MED13: variants seen among roughly 807,000 people sequenced by gnomAD.
MED13 encodes mediator of RNA polymerase II transcription subunit 13.
Under a neutral mutation model 225.2 loss-of-function variants are expected in MED13, and 23 were observed. That is an observed-to-expected ratio of 0.10 (90% CI 0.07 to 0.14). The LOEUF is 0.14. Among genes scored for constraint, MED13 ranks in the 10% least tolerant of loss-of-function variants. MED13 has a pLI of 1.00. For missense variants in MED13, 2,197 were observed against 2,594.5 expected, an observed-to-expected ratio of 0.85 and a Z score of 3.33; for synonymous variants, 942 against 889.2, an observed-to-expected ratio of 1.06 and a Z score of -1.06.
chr17:61,978,249 T>C (rs1009058627), intron 16 of MED13, among the ~76,000 whole-genome samples: 5 of 151,784 alleles, frequency 3.3e-5, no homozygotes, highest in African/African-American at 1.2e-4. Flanking sequence ...AACTGCTTTT[T>C]ATTTTTTTTA....
Position 61,984,320 on chromosome 17 carries a change from T to A in MED13, c.2739A>T (p.Gly913=), listed in dbSNP as rs1204093544. 3.1e-6 allele frequency: 5 copies of A among 1,601,660 alleles called. No homozygotes were observed. Among genetic ancestry groups the A allele is most frequent in the Non-Finnish European group, 3.4e-6 (4 of 1,176,098 alleles). ...TTTTTAGAGGTGCAAACATGGAACATCCCACTAGAATTTGACAATTTTCAG... is the reference window on the plus strand; with the variant it reads ...TTTTTAGAGGTGCAAACATGGAACAACCCACTAGAATTTGACAATTTTCAG... ...YKPENCQILV[G]CSMFAPLKTL... Residue 913 remains glycine (G), a synonymous_variant, in exon 15 of 30, where the codon GGA becomes GGT. Transcript: ENST00000397786.
At chr17:62,001,369 CTA>C (rs1347326651) in intron 9 of MED13, among the ~76,000 whole-genome samples, 1 of 152,062 alleles carries the variant, frequency 6.6e-6, no homozygotes, top group Non-Finnish European at 1.5e-5. Context: ...ACATCACTTT[CTA>C]TATGAGTTGT....
At chr17:62,002,826 ATCTT>A (rs1445578327) in intron 9 of MED13, among the ~76,000 whole-genome samples, 1 of 152,268 alleles carries the variant, frequency 6.6e-6, no homozygotes, top group Non-Finnish European at 1.5e-5. Flanking sequence ...AAACACGCTG[ATCTT>A]TCTAATAACT....
Position 62,011,042 on chromosome 17 carries a change from G to A in MED13, c.1475C>T (p.Ser492Leu). The A allele has an allele frequency of 6.2e-7, 1 of 1,614,202 alleles. No homozygotes were observed. ...AGAGATCACAAGTCTTTGGCTGGCT[G>A]AATCTGCGTCCATGCCAACATCATC... ...VSDDVGMDAD[S>L]ASQRLVISAP... The change falls in exon 9 of 30, where the codon TCA becomes TTA. Residue 492 changes from serine to leucine, a missense_variant. Physicochemically the swap from Ser to Leu is moderately radical, Grantham distance 145. Around this residue, in one of 12 missense-constraint regions of MED13, gnomAD observed 884 missense variants for 918.5 expected, o/e 0.96. Transcript: ENST00000397786.
At chr17:61,968,417 C>T (rs1373451931) in intron 17 of MED13, among the ~76,000 whole-genome samples, 159 bp from the exon 18 acceptor site, 1 of 152,196 alleles carries the variant, frequency 6.6e-6, no homozygotes, top group Non-Finnish European at 1.5e-5. Context: ...GCTCCGCCTC[C>T]CGCGTTCACG....
intron 8 of MED13, among the ~76,000 whole-genome samples, chr17:62,012,725 T>C (rs1285560935): frequency 6.6e-6 from 1 of 152,178 alleles, no homozygotes; most frequent in Non-Finnish European, 1.5e-5. Context: ...GAATCAGAGC[T>C]ATCCAGAAAG....
At position 61,960,933 on chromosome 17, in the gene MED13, G is replaced by C; in HGVS notation, c.5414C>G (p.Ala1805Gly). Residue 1805 changes from alanine (A) to glycine (G), a missense_variant, in exon 23 of 30, where the codon GCA becomes GGA. Physicochemically the swap from Ala to Gly is moderately conservative, Grantham distance 60 (BLOSUM62 0). Around this residue, in one of 12 missense-constraint regions of MED13, gnomAD observed 78 missense variants for 82.1 expected, o/e 0.95. Transcript: ENST00000397786. The stretch of plus-strand genomic sequence containing the variant: ...TTCTCCATATAGATCTGTGCAAGAT[G>C]CAAGAATCCACCTTTGATCATGTGA... ...CLSHDQRWIL[A>G]SCTDLYGELL... is the part of the protein sequence containing the mutation. 6.2e-7 allele frequency: 1 copy of C among 1,613,752 alleles called. No homozygotes were observed. Among genetic ancestry groups the C allele is most frequent in the Non-Finnish European group, 8.5e-7 (1 of 1,179,890 alleles).
intron 8 of MED13, among the ~76,000 whole-genome samples, chr17:62,012,875 C>T (rs530539205): frequency 1.3e-5 from 2 of 151,970 alleles, no homozygotes; most frequent in East Asian, 3.9e-4. Context: ...TCACGGCAAC[C>T]TCCGCCTCCC....
intron 8 of MED13, among the ~76,000 whole-genome samples, chr17:62,017,758 A>G (rs922837790): frequency 6.6e-6 from 1 of 152,230 alleles, no homozygotes; most frequent in Non-Finnish European, 1.5e-5. Flanking sequence ...TCCTTCATGA[A>G]GACAGCAAAA....
At chr17:61,993,196 CTTTCTTTT>C (rs1488740621) in intron 10 of MED13, among the ~76,000 whole-genome samples, 4 of 127,422 alleles carry the variant, frequency 3.1e-5, no homozygotes, top group Admixed American at 2.3e-4. Context: ...TTCTTTCTTT[CTTTCTTTT>C]TTTTTTTTTT....
At chr17:62,036,237 A>G (rs923033599) in intron 3 of MED13, among the ~76,000 whole-genome samples, 1 of 152,030 alleles carries the variant, frequency 6.6e-6, no homozygotes, top group Non-Finnish European at 1.5e-5. Flanking sequence ...TTTATTAATT[A>G]ATTGGACTAA....
chr17:61,972,422 A>T (rs1461398229), intron 17 of MED13, among the ~76,000 whole-genome samples: 2 of 151,492 alleles, frequency 1.3e-5, no homozygotes, highest in East Asian at 1.9e-4. Flanking sequence ...TAACAAAAGT[A>T]TTTTTTTTGC....
intron 5 of MED13, 107 bp downstream of exon 5, chr17:62,033,680 G>A (rs1436347751): frequency 2.3e-5 from 23 of 1,008,644 alleles, no homozygotes; most frequent in Non-Finnish European, 3.2e-5. Flanking sequence ...ATAAATCTTT[G>A]GTGTTGAAAG....
Position 61,992,578 on chromosome 17 carries a change from T to C in MED13, c.2225A>G (p.Glu742Gly). 1 of 1,612,410 alleles carries C rather than the reference T, an allele frequency of 6.2e-7. No individual in the cohort carries two copies. The highest frequency in any genetic ancestry group is 8.5e-7 in the Non-Finnish European group (1 of 1,178,630). ...TSSVTVLSHE[E>G]DAMSLFSPSI... ...GGGACTAAATAATGACATAGCATCTTCTTCATGTGATAACACTGTTACACT... is the reference window on the plus strand; with the variant it reads ...GGGACTAAATAATGACATAGCATCTCCTTCATGTGATAACACTGTTACACT... Residue 742 changes from glutamate (E) to glycine (G), a missense_variant, in exon 11 of 30, where the codon GAA (glutamate) becomes GGA (glycine). Transcript: ENST00000397786.
At chr17:62,051,852 T>C (rs1224207376) in intron 3 of MED13, among the ~76,000 whole-genome samples, 1 of 152,220 alleles carries the variant, frequency 6.6e-6, no homozygotes, top group Non-Finnish European at 1.5e-5. Flanking sequence ...ACTCAATGAC[T>C]GCTGGGAACT....
chr17:61,981,093 G>A (rs1269340780), intron 16 of MED13, among the ~76,000 whole-genome samples: 1 of 151,820 alleles, frequency 6.6e-6, no homozygotes, highest in Non-Finnish European at 1.5e-5. Context: ...TGCGATCTTG[G>A]CTCACTGCAA....
chr17:62,037,145 T>A (rs937527968), intron 3 of MED13, among the ~76,000 whole-genome samples: 37 of 151,714 alleles, frequency 2.4e-4, no homozygotes, highest in African/African-American at 8.9e-4. Context: ...CCCAGCTACT[T>A]GGGAGGCTGA....
intron 28 of MED13, among the ~76,000 whole-genome samples, chr17:61,950,614 C>T (rs976224960): frequency 1.3e-5 from 2 of 152,128 alleles, no homozygotes; most frequent in Non-Finnish European, 2.9e-5. Context: ...AAACTCCTGA[C>T]CTGAGGTAAT....
intron 9 of MED13, among the ~76,000 whole-genome samples, chr17:61,998,371 T>C (rs1419527570): frequency 6.6e-6 from 1 of 152,182 alleles, no homozygotes; most frequent in Non-Finnish European, 1.5e-5. Flanking sequence ...TATTCATTAA[T>C]TGCAACTCTT....
Sources: allele counts gnomAD v4.1 joint callset (sites outside exome capture counted in the v4.1 genomes callset), GRCh38; gene constraint gnomAD v4.1.1; regional missense constraint gnomAD v4.1.1; transcripts MANE v1.5; gene names NCBI Gene and HGNC (gene_info 2026-07-23, HGNC 2026-07-21).